EDARADD: variants seen among roughly 807,000 people sequenced by gnomAD.
EDARADD encodes the protein ectodysplasin-A receptor-associated adapter protein.
A neutral mutation model predicts 25.6 loss-of-function variants in EDARADD; 20 were observed. That is an observed-to-expected ratio of 0.78 (90% CI 0.55 to 1.14). EDARADD has a LOEUF of 1.14. Ranked by LOEUF, EDARADD falls within the 50% of genes most tolerant of loss-of-function variation. The pLI, the probability that EDARADD is intolerant of heterozygous loss-of-function variation, is 0.00. For missense variants in EDARADD, 225 were observed against 270.1 expected, an observed-to-expected ratio of 0.83 and a Z score of 1.17; for synonymous variants, 86 against 94.4, an observed-to-expected ratio of 0.91 and a Z score of 0.52.
chr1:236,401,992 G>T (rs951258232), intron 1 of EDARADD, among the ~76,000 whole-genome samples: 1 of 152,054 alleles, frequency 6.6e-6, no homozygotes, highest in African/African-American at 2.4e-5. Flanking sequence ...ACCAAGTTTC[G>T]CTCTTGTTGC....
intron 3 of EDARADD, among the ~76,000 whole-genome samples, chr1:236,419,135 C>T: frequency 6.6e-6 from 1 of 152,114 alleles, no homozygotes; most frequent in East Asian, 1.9e-4. Context: ...AAGTTCTTTG[C>T]CAGTGTTTCA....
At chr1:236,405,874 C>CTTTCTTTCTTTCT (rs1370860313) in intron 1 of EDARADD, among the ~76,000 whole-genome samples, 18 of 30,910 alleles carry the variant, frequency 5.8e-4, no homozygotes, top group East Asian at 1.7e-3. Flanking sequence ...TCCTTCCTTC[C>CTTTCTTTCTTTCT]TTCTTTCTTT....
chr1:236,351,561 T>C (rs1666915437), intron 3 of EDARADD, among the ~76,000 whole-genome samples: 1 of 151,832 alleles, frequency 6.6e-6, no homozygotes, highest in South Asian at 2.1e-4. Flanking sequence ...AATACAAAAA[T>C]TAGCCGGGCG....
chr1:236,427,828 T>C (rs1234471460), intron 4 of EDARADD, among the ~76,000 whole-genome samples: 1 of 152,136 alleles, frequency 6.6e-6, no homozygotes, highest in East Asian at 1.9e-4. Flanking sequence ...TATTAAACTT[T>C]AATTTTTTTA....
At chr1:236,421,265 G>A (rs1369933823) in intron 3 of EDARADD, among the ~76,000 whole-genome samples, 1 of 146,740 alleles carries the variant, frequency 6.8e-6, no homozygotes, top group Non-Finnish European at 1.5e-5. Flanking sequence ...TGTCAGACAG[G>A]CTTTATGGTA....
At chr1:236,464,020 C>T (rs564834824) in intron 4 of EDARADD, among the ~76,000 whole-genome samples, 1 of 152,234 alleles carries the variant, frequency 6.6e-6, no homozygotes, top group East Asian at 1.9e-4. Flanking sequence ...GATGTCTAAG[C>T]TGAGGCCCTA....
intron 5 of EDARADD, among the ~76,000 whole-genome samples, chr1:236,473,948 A>G (rs1468144216): frequency 6.6e-6 from 1 of 152,046 alleles, no homozygotes; most frequent in Non-Finnish European, 1.5e-5. Flanking sequence ...AAAACCTAAC[A>G]TCTTTAAAGA....
intron 1 of EDARADD, among the ~76,000 whole-genome samples, chr1:236,403,099 G>A (rs1667643388): frequency 6.6e-6 from 1 of 152,066 alleles, no homozygotes; most frequent in South Asian, 2.1e-4. Flanking sequence ...GGGATTACAA[G>A]CATGTGCCAC....
intron 4 of EDARADD, among the ~76,000 whole-genome samples, chr1:236,452,665 C>A (rs1405922114): frequency 6.6e-6 from 1 of 152,164 alleles, no homozygotes; most frequent in Non-Finnish European, 1.5e-5. Flanking sequence ...TTCTTTACAG[C>A]AGTGTGAAAA....
intron 3 of EDARADD, among the ~76,000 whole-genome samples, chr1:236,421,326 A>G (rs1439255706): frequency 6.9e-6 from 1 of 145,102 alleles, no homozygotes; most frequent in Non-Finnish European, 1.5e-5. Context: ...GGCTTGTTTG[A>G]GTTAAGTCCA....
At chr1:236,453,278 CTTTTTTT>C (rs71672500) in intron 4 of EDARADD, among the ~76,000 whole-genome samples, 5 of 133,884 alleles carry the variant, frequency 3.7e-5, no homozygotes, top group African/African-American at 1.1e-4. Context: ...TTCTTTTTTT[CTTTTTTT>C]TTTTTTTTTT....
At chr1:236,445,231 A>ATCCTTTTTTTTTTTTTTT in intron 4 of EDARADD, among the ~76,000 whole-genome samples, 1 of 47,316 alleles carries the variant, frequency 2.1e-5, no homozygotes, top group South Asian at 7.9e-4. Flanking sequence ...GACATAATAA[A>ATCCTTTTTTTTTTTTTTT]TTCTTTTTTT....
chr1:236,426,250 T>C (rs184964037), intron 3 of EDARADD, among the ~76,000 whole-genome samples: 1 of 152,304 alleles, frequency 6.6e-6, no homozygotes, highest in East Asian at 1.9e-4. Context: ...ATAGCTGTCA[T>C]TACAGGCGTG....
intron 1 of EDARADD, among the ~76,000 whole-genome samples, chr1:236,404,256 T>G (rs544410734): frequency 6.6e-6 from 1 of 152,342 alleles, no homozygotes; most frequent in East Asian, 1.9e-4. Context: ...CTTAATAGTA[T>G]CGTAAACATG....
At chr1:236,477,832 G>T (rs1038705710) in intron 5 of EDARADD, among the ~76,000 whole-genome samples, 35 of 152,160 alleles carry the variant, frequency 2.3e-4, no homozygotes, top group African/African-American at 8.2e-4. Flanking sequence ...ACCGGGCGCG[G>T]TGGCTCACAC....
At chr1:236,417,392 T>C (rs1376225569) in intron 3 of EDARADD, among the ~76,000 whole-genome samples, 2 of 152,190 alleles carry the variant, frequency 1.3e-5, no homozygotes, top group Non-Finnish European at 2.9e-5. Context: ...CCTTTAACAG[T>C]GGCCAGAATA....
At chr1:236,468,455 C>A (rs1659275803) in intron 5 of EDARADD, among the ~76,000 whole-genome samples, 179 bp downstream of exon 5, 1 of 152,034 alleles carries the variant, frequency 6.6e-6, no homozygotes, top group Admixed American at 6.6e-5. Flanking sequence ...AAAACCCCGT[C>A]TCTACCAAAA....
At chr1:236,367,986 G>C (rs928911930) in intron 3 of EDARADD, among the ~76,000 whole-genome samples, 1 of 152,076 alleles carries the variant, frequency 6.6e-6, no homozygotes, top group Non-Finnish European at 1.5e-5. Context: ...GTGTACACCT[G>C]TAGTGCCAGC....
chr1:236,435,202 C>T (rs1015837621), intron 4 of EDARADD, among the ~76,000 whole-genome samples: 1 of 152,172 alleles, frequency 6.6e-6, no homozygotes, highest in Admixed American at 6.5e-5. Context: ...CCTTGAGGAA[C>T]ACTTACTCTT....
Sources: allele counts gnomAD v4.1 joint callset (sites outside exome capture counted in the v4.1 genomes callset), GRCh38; gene constraint gnomAD v4.1.1; transcripts MANE v1.5; gene names NCBI Gene and HGNC (gene_info 2026-07-23, HGNC 2026-07-21).